The following IGSF10 variants were observed in gnomAD, a reference collection of about 807,000 sequenced individuals.
The protein encoded by IGSF10 is immunoglobulin superfamily member 10.
In IGSF10, 126 loss-of-function variants were observed where a neutral mutation model predicts 128.2. That is an observed-to-expected ratio of 0.98 (90% CI 0.85 to 1.14). The LOEUF (loss-of-function observed/expected upper bound fraction) is 1.14. Among genes scored for constraint, IGSF10 ranks in the 50% most tolerant of loss-of-function variants. IGSF10 has a pLI of 0.00. For missense variants in IGSF10, 3,295 were observed against 3,149.8 expected, an observed-to-expected ratio of 1.05 and a Z score of -1.10; for synonymous variants, 1,185 against 1,146.2, an observed-to-expected ratio of 1.03 and a Z score of -0.68.
chr3:151,595,993 T>C, the IGSF10 span, among the ~76,000 whole-genome samples: 1 of 152,092 alleles, frequency 6.6e-6, no homozygotes, highest in Non-Finnish European at 1.5e-5. Flanking sequence ...AGGGTAGCTA[T>C]TTGAGATGAT....
At chr3:151,490,144 A>G in the IGSF10 span, among the ~76,000 whole-genome samples, 247 of 152,266 alleles carry the variant, frequency 1.6e-3, no homozygotes, top group African/African-American at 5.7e-3. Context: ...CTTTCAAAAG[A>G]CTCACTTAAG....
At chr3:151,441,921 T>C (rs146051885) in intron 7 of IGSF10, among the ~76,000 whole-genome samples, 15,622 of 151,868 alleles carry the variant, frequency 0.1, 1,096 homozygotes, top group Middle Eastern at 0.18. Context: ...ATTAGTCGGA[T>C]GTGGTGGCGG....
At chr3:151,569,801 G>C in the IGSF10 span, among the ~76,000 whole-genome samples, 1 of 152,244 alleles carries the variant, frequency 6.6e-6, no homozygotes, top group East Asian at 1.9e-4. Flanking sequence ...TGTTACGTAT[G>C]TATACATGCG....
At chr3:151,442,842 T>C in intron 7 of IGSF10, 142 bp downstream of exon 7, 1 of 594,098 alleles carries the variant, frequency 1.7e-6, no homozygotes, top group Non-Finnish European at 2.7e-6. Context: ...GATTAGTTTT[T>C]TTTGAGAGAG....
intron 7 of IGSF10, 45 bp from the exon 8 acceptor site, chr3:151,438,642 G>C (rs1485408665): frequency 4.7e-6 from 7 of 1,481,904 alleles, no homozygotes; most frequent in Non-Finnish European, 6.5e-6. Flanking sequence ...TGTTAGCAAT[G>C]AGGGAAACTG....
intron 3 of IGSF10, among the ~76,000 whole-genome samples, chr3:151,457,896 A>C (rs780126433): frequency 5.9e-5 from 9 of 152,188 alleles, no homozygotes; most frequent in Non-Finnish European, 1.2e-4. Flanking sequence ...ACATCCTAGA[A>C]GTGAATAGTA....
the IGSF10 span, among the ~76,000 whole-genome samples, chr3:151,565,092 A>G: frequency 1.3e-5 from 2 of 152,166 alleles, no homozygotes; most frequent in African/African-American, 4.8e-5. Context: ...ATATTATGCT[A>G]TACTTTCTCT....
chr3:151,538,522 G>GT, the IGSF10 span, among the ~76,000 whole-genome samples: 1 of 152,100 alleles, frequency 6.6e-6, no homozygotes, highest in African/African-American at 2.4e-5. Flanking sequence ...AATGAGAAAT[G>GT]TAAGTCTTCG....
the IGSF10 span, among the ~76,000 whole-genome samples, chr3:151,543,054 T>C: frequency 1.7e-3 from 260 of 152,354 alleles, 3 homozygotes; most frequent in African/African-American, 6.0e-3. Flanking sequence ...CTAATTCCCC[T>C]AGTCAATTTT....
chr3:151,608,294 A>C, the IGSF10 span, among the ~76,000 whole-genome samples: 1 of 152,236 alleles, frequency 6.6e-6, no homozygotes, highest in South Asian at 2.1e-4. Context: ...AAAATTCAGT[A>C]ATGAAATAGT....
At chr3:151,454,415 TA>T (rs754692489) in intron 4 of IGSF10, among the ~76,000 whole-genome samples, 50 of 152,292 alleles carry the variant, frequency 3.3e-4, no homozygotes, top group Middle Eastern at 6.8e-3. Context: ...TACAGATGAA[TA>T]TTATGAAAAT....
At chr3:151,510,710 CTT>C in the IGSF10 span, among the ~76,000 whole-genome samples, 1 of 152,062 alleles carries the variant, frequency 6.6e-6, no homozygotes, top group Non-Finnish European at 1.5e-5. Flanking sequence ...AAGTTAAAAA[CTT>C]TGAAAAAAAA....
At position 151,445,386 on chromosome 3, in the gene IGSF10, G is replaced by A. The variant is rs760413869; in HGVS notation, c.4595C>T (p.Ala1532Val). 6.2e-7 allele frequency: 1 copy of A among 1,614,220 alleles called. No homozygotes were observed. Among genetic ancestry groups the A allele is most frequent in the South Asian group, 1.1e-5 (1 of 91,086 alleles). Residue 1532 changes from alanine to valine, a missense_variant, in exon 6 of 8, where the codon GCC becomes GTC. Ala to Val is a moderately conservative substitution (Grantham distance 64). Coordinates refer to ENST00000282466, the MANE Select transcript of IGSF10 (RefSeq NM_178822.5). Reference protein sequence around the residue: ...VATSPKVHPNAKFTIGTTHFI... With the variant: ...VATSPKVHPNVKFTIGTTHFI... Reference sequence around the variant, plus strand: ...GTGAGTGGTTCCAATTGTGAACTTGGCATTTGGGTGAACCTTGGGGGATGT... The same window carrying A: ...GTGAGTGGTTCCAATTGTGAACTTGACATTTGGGTGAACCTTGGGGGATGT...
the IGSF10 span, among the ~76,000 whole-genome samples, chr3:151,539,813 T>TATC: frequency 1.4e-5 from 2 of 143,612 alleles, no homozygotes; most frequent in East Asian, 4.1e-4. Flanking sequence ...TCTATCTATC[T>TATC]ATCATCTATC....
At chr3:151,552,981 T>C in the IGSF10 span, among the ~76,000 whole-genome samples, 1 of 152,166 alleles carries the variant, frequency 6.6e-6, no homozygotes, top group South Asian at 2.1e-4. Flanking sequence ...AAGTGATGAC[T>C]CCAATACCTT....
At chr3:151,567,740 G>A in the IGSF10 span, among the ~76,000 whole-genome samples, 1 of 152,130 alleles carries the variant, frequency 6.6e-6, no homozygotes, top group Non-Finnish European at 1.5e-5. Context: ...ACACCCCAGA[G>A]CCTGCTGAAA....
At chr3:151,598,214 G>T in the IGSF10 span, among the ~76,000 whole-genome samples, 1 of 151,958 alleles carries the variant, frequency 6.6e-6, no homozygotes, top group Non-Finnish European at 1.5e-5. Context: ...CCAGTGTTGG[G>T]ATACTTAAGC....
At chr3:151,484,341 C>A in the IGSF10 span, among the ~76,000 whole-genome samples, 22 of 152,326 alleles carry the variant, frequency 1.4e-4, no homozygotes, top group African/African-American at 5.3e-4. Context: ...CCCTGGGACA[C>A]AGCACATGGC....
Position 151,447,698 on chromosome 3 carries a change from C to T in IGSF10, c.2283G>A (p.Glu761=). The T allele has an allele frequency of 1.2e-6, 2 of 1,614,188 alleles. No homozygotes were observed. The highest frequency in any genetic ancestry group is 1.7e-6 in the Non-Finnish European group (2 of 1,180,046). ...CTGGCATAGCATTCTTTTTAGCTTT[C>T]TCCAACAGTGCCGCCCAATGTTGTG... is the stretch of plus-strand genomic sequence containing the variant. The part of the protein sequence containing the change: ...IDPQHWAALL[E]KAKKNAMPDK... Residue 761 remains glutamate, a synonymous_variant, in exon 6 of 8, where the codon GAG becomes GAA. Coordinates refer to ENST00000282466, the MANE Select transcript of IGSF10 (RefSeq NM_178822.5).
Sources: allele counts gnomAD v4.1 joint callset (sites outside exome capture counted in the v4.1 genomes callset), GRCh38; gene constraint gnomAD v4.1.1; transcripts MANE v1.5; gene names NCBI Gene and HGNC (gene_info 2026-07-23, HGNC 2026-07-21).